TGFA: variants seen among roughly 807,000 people sequenced by gnomAD.
TGFA encodes protransforming growth factor alpha.
TGFA carries 12 observed loss-of-function variants against 21.7 expected under a neutral mutation model. That is an observed-to-expected ratio of 0.55 (90% CI 0.35 to 0.90). TGFA has a LOEUF of 0.90. TGFA is among the 40% of genes least tolerant of loss of function. The pLI is 0.01. For missense variants in TGFA, 178 were observed against 210.8 expected (o/e 0.84, Z 0.96); for synonymous variants, 79 against 88.1 (o/e 0.90, Z 0.58).
intron 2 of TGFA, chr2:70,468,599 T>TC (rs1670643850): frequency 6.6e-6 from 1 of 152,274 alleles, no homozygotes; most frequent in Non-Finnish European, 1.5e-5. Flanking sequence ...TACAGCCACT[T>TC]CCCATTGCTC....
At chr2:70,454,466 G>T (rs1444874110) in intron 4 of TGFA, among the ~76,000 whole-genome samples, 2 of 152,250 alleles carry the variant, frequency 1.3e-5, no homozygotes, top group Non-Finnish European at 2.9e-5. Context: ...CAGAGTCTGG[G>T]CTGGAAACAG....
At chr2:70,500,970 CAAAA>C (rs34669349) in intron 2 of TGFA, among the ~76,000 whole-genome samples, 2 of 143,800 alleles carry the variant, frequency 1.4e-5, no homozygotes. Flanking sequence ...GGGCCATCTC[CAAAA>C]AAAAAAAAAA....
At chr2:70,475,618 C>T (rs1454229405) in intron 2 of TGFA, among the ~76,000 whole-genome samples, 2 of 152,008 alleles carry the variant, frequency 1.3e-5, no homozygotes, top group Non-Finnish European at 1.5e-5. Flanking sequence ...AATAACAAAT[C>T]AGGAATTACC....
chr2:70,449,567 A>T lies in TGFA; in HGVS notation c.*1292T>A, dbSNP rs544869019. 10 of 244,458 alleles carry T rather than the reference A, an allele frequency of 4.1e-5. No homozygotes were observed. The highest frequency in any genetic ancestry group is 3.5e-4 in the South Asian group (8 of 22,588). 15.1% of individuals were successfully genotyped at this position (244,458 alleles called of 1,614,324 possible). A position where few individuals can be genotyped will look rare whatever the true frequency, so the allele number is the denominator to read the frequency against. ...TTGCTCCTTCTCTTGAGGGGAAAGGAAGACCCACATAGTGGAGGTGACTTG... is the reference window on the plus strand; with the variant it reads ...TTGCTCCTTCTCTTGAGGGGAAAGGTAGACCCACATAGTGGAGGTGACTTG... On this transcript the variant is annotated 3_prime_UTR_variant, in exon 6 of 6. Coordinates refer to ENST00000295400, the MANE Select transcript of TGFA (RefSeq NM_003236.4).
intron 1 of TGFA, among the ~76,000 whole-genome samples, chr2:70,552,247 C>T (rs1459790107): frequency 1.3e-5 from 2 of 152,126 alleles, no homozygotes; most frequent in Admixed American, 6.5e-5. Flanking sequence ...CTTCTTTATC[C>T]GGTTGGTGTG....
intron 1 of TGFA, among the ~76,000 whole-genome samples, chr2:70,543,041 T>G (rs566205216): frequency 6.6e-6 from 1 of 151,928 alleles, no homozygotes. Context: ...AGGTGGAGGT[T>G]GCAGTGAGCC....
At chr2:70,522,013 GT>G (rs1306356616) in intron 1 of TGFA, among the ~76,000 whole-genome samples, 1 of 152,172 alleles carries the variant, frequency 6.6e-6, no homozygotes, top group Non-Finnish European at 1.5e-5. Flanking sequence ...TTGCTCAAAT[GT>G]CAGAAATAAT....
intron 2 of TGFA, among the ~76,000 whole-genome samples, chr2:70,497,855 A>T (rs1244494069): frequency 6.6e-6 from 1 of 152,242 alleles, no homozygotes; most frequent in Non-Finnish European, 1.5e-5. Context: ...TCAAATGCGC[A>T]AATCTGTATT....
chr2:70,488,317 C>T (rs573539002), intron 2 of TGFA, among the ~76,000 whole-genome samples: 29 of 152,130 alleles, frequency 1.9e-4, no homozygotes, highest in South Asian at 4.1e-4. Flanking sequence ...TATTTACCTA[C>T]ACTTCCTTCC....
rs1177896090 is a variant in TGFA, at chr2:70,465,575, GA to G, written c.215+40del. ...TGCTCTTCTAATTGGATATTGGACT[GA>G]CCCCAGCCCCAGATCTCCAGGAGAA... On this transcript the variant is annotated intron_variant, in intron 3 of 5. Transcript: ENST00000295400. 2.5e-6 allele frequency: 4 copies of G among 1,612,770 alleles called. No individual in the cohort carries two copies. The African/African-American group carries it at 5.3e-5, about 22-fold the overall frequency.
chr2:70,488,594 ATTTAC>A, intron 2 of TGFA, among the ~76,000 whole-genome samples: 1 of 151,168 alleles, frequency 6.6e-6, no homozygotes, highest in Non-Finnish European at 1.5e-5. Flanking sequence ...GGCAGTACAA[ATTTAC>A]AAATTTGTCA....
At chr2:70,486,883 C>G (rs1384470549) in intron 2 of TGFA, among the ~76,000 whole-genome samples, 1 of 152,142 alleles carries the variant, frequency 6.6e-6, no homozygotes, top group African/African-American at 2.4e-5. Flanking sequence ...CCTGTCTCAG[C>G]CTCCTGAGTA....
At chr2:70,529,771 G>A (rs1042468027) in intron 1 of TGFA, among the ~76,000 whole-genome samples, 1 of 152,188 alleles carries the variant, frequency 6.6e-6, no homozygotes, top group Admixed American at 6.5e-5. Context: ...AACATCTGAT[G>A]CATGTGACAG....
chr2:70,521,518 A>G (rs2442152), intron 1 of TGFA, among the ~76,000 whole-genome samples: 43,501 of 151,786 alleles, frequency 0.29, 7,977 homozygotes, highest in African/African-American at 0.52. Context: ...ATTAAACGAG[A>G]GACACATGAG....
intron 1 of TGFA, among the ~76,000 whole-genome samples, chr2:70,548,083 C>A (rs1449932108): frequency 6.6e-6 from 1 of 152,056 alleles, no homozygotes; most frequent in African/African-American, 2.4e-5. Context: ...CAATAAAATG[C>A]TATCCTGAAG....
chr2:70,533,021 C>G (rs1303198302), intron 1 of TGFA, among the ~76,000 whole-genome samples: 1 of 151,622 alleles, frequency 6.6e-6, no homozygotes, highest in Non-Finnish European at 1.5e-5. Flanking sequence ...ACAACCACGC[C>G]CAGCTAATTT....
chr2:70,460,274 A>C (rs1186208820), intron 3 of TGFA, among the ~76,000 whole-genome samples: 1 of 152,122 alleles, frequency 6.6e-6, no homozygotes, highest in Non-Finnish European at 1.5e-5. Flanking sequence ...AGCTGATTCC[A>C]GTGGGCAGGG....
At chr2:70,505,905 G>A (rs1671910488) in intron 2 of TGFA, among the ~76,000 whole-genome samples, 1 of 152,210 alleles carries the variant, frequency 6.6e-6, no homozygotes, top group African/African-American at 2.4e-5. Flanking sequence ...GACAGGAAAC[G>A]AGGAAAGGAG....
At chr2:70,495,295 C>G (rs936451211) in intron 2 of TGFA, among the ~76,000 whole-genome samples, 3 of 152,162 alleles carry the variant, frequency 2.0e-5, no homozygotes, top group African/African-American at 7.2e-5. Context: ...ATTCTTGTCC[C>G]AGTGTTGCAA....
Sources: gnomAD v4.1 joint callset for allele counts (sites outside exome capture counted in the v4.1 genomes callset) on GRCh38, gnomAD v4.1.1 for gene constraint, MANE v1.5 for transcripts, NCBI Gene and HGNC (gene_info 2026-07-23, HGNC 2026-07-21) for gene names.